GNAI1: variants seen among roughly 807,000 people sequenced by gnomAD.
GNAI1 encodes G protein subunit alpha i1, also known as guanine nucleotide-binding protein G(i) subunit alpha-1.
GNAI1 carries 11 observed loss-of-function variants against 38.9 expected under a neutral mutation model. That is an observed-to-expected ratio of 0.28 (90% CI 0.18 to 0.47). The LOEUF (loss-of-function observed/expected upper bound fraction) is 0.47. GNAI1 is among the 20% of genes least tolerant of loss of function. The pLI is 0.99. For synonymous variants in GNAI1, 166 were observed against 145.1 expected (o/e 1.14, Z -1.04); for missense variants, 317 against 436.9 (o/e 0.73, Z 2.45).
At chr7:80,140,277 C>T (rs1230807985) in intron 1 of GNAI1, among the ~76,000 whole-genome samples, 1 of 151,978 alleles carries the variant, frequency 6.6e-6, no homozygotes, top group Non-Finnish European at 1.5e-5. Flanking sequence ...AGCCACCGCA[C>T]CCTTTGGCCC....
chr7:80,202,879 A>G (rs1415026455), intron 4 of GNAI1, among the ~76,000 whole-genome samples: 1 of 152,158 alleles, frequency 6.6e-6, no homozygotes, highest in Non-Finnish European at 1.5e-5. Context: ...ACTGATTTAC[A>G]GCTTCTCCTG....
intron 1 of GNAI1, among the ~76,000 whole-genome samples, chr7:80,166,316 C>T (rs997744522): frequency 6.6e-6 from 1 of 152,026 alleles, no homozygotes; most frequent in Non-Finnish European, 1.5e-5. Context: ...TGCTCATAGA[C>T]ATGCAGTCTT....
rs17153555 is a variant in GNAI1 at position 80,188,961 on chromosome 7, A to G, written c.129A>G (p.Glu43=). The G allele has an allele frequency of 0.014, 23,254 of 1,605,154 alleles. 404 individuals carry two copies. The highest frequency in any genetic ancestry group is 0.082 in the African/African-American group (6,162 of 74,718). The change falls in exon 2 of 8, where the codon GAA becomes GAG. Residue 43 remains glutamate (E), a synonymous_variant. Transcript: ENST00000649796. ...GTTTTATATTTTTAGGTGCTGGTGAATCTGGTAAAAGTACAATTGTGAAGC... is the reference window on the plus strand; with the variant it reads ...GTTTTATATTTTTAGGTGCTGGTGAGTCTGGTAAAAGTACAATTGTGAAGC... ...EVKLLLLGAG[E]SGKSTIVKQM...
intron 1 of GNAI1, among the ~76,000 whole-genome samples, chr7:80,163,064 A>G (rs1421451804): frequency 6.6e-6 from 1 of 152,064 alleles, no homozygotes; most frequent in Non-Finnish European, 1.5e-5. Flanking sequence ...TTGCTGAGAC[A>G]CCCAAGGGAG....
At position 80,219,027 on chromosome 7, in the gene GNAI1, T is replaced by TTATGTGTGTGTG. The variant is rs1554353980; in HGVS notation, c.*1535_*1536insATGTGTGTGTGT. 6.9e-6 allele frequency: 1 copy of TTATGTGTGTGTG among 145,836 alleles called. No homozygotes were observed. Among genetic ancestry groups the TTATGTGTGTGTG allele is most frequent in the African/African-American group, 2.5e-5 (1 of 39,220 alleles). The allele number at this position is 145,836 out of a possible 1,614,324, so 9.0% of individuals were successfully genotyped here. On this transcript the variant is annotated 3_prime_UTR_variant, in exon 8 of 8. Coordinates refer to ENST00000649796, the MANE Select transcript of GNAI1 (RefSeq NM_002069.6). ...GTGTTGTCACTGGGTTGAAGTATAT[T>TTATGTGTGTGTG]TGTGTGTGTGTGTGTGTGTGTGTGT...
intron 1 of GNAI1, among the ~76,000 whole-genome samples, chr7:80,163,821 C>T (rs776772765): frequency 2.6e-5 from 4 of 152,018 alleles, no homozygotes; most frequent in East Asian, 1.9e-4. Flanking sequence ...GAATATCATG[C>T]GGCATATTGT....
At position 80,135,115 on chromosome 7, in the gene GNAI1, C is replaced by T; in HGVS notation, c.-46C>T. The T allele has an allele frequency of 7.6e-7, 1 of 1,317,544 alleles. No homozygotes were observed. The highest frequency in any genetic ancestry group is 1.0e-6 in the Non-Finnish European group (1 of 979,770). 81.6% of individuals were successfully genotyped at this position (1,317,544 alleles called of 1,614,324 possible). ...AGGATTCCCCTGTGCTTGGAGCCCGCACTCGGGCGCGGAGGGAGCGGCGGC... is the reference window on the plus strand; with the variant it reads ...AGGATTCCCCTGTGCTTGGAGCCCGTACTCGGGCGCGGAGGGAGCGGCGGC... On this transcript the variant is annotated 5_prime_UTR_variant, in exon 1 of 8. Transcript: ENST00000649796.
chr7:80,156,877 C>A (rs1014525008), intron 1 of GNAI1, among the ~76,000 whole-genome samples: 4 of 152,126 alleles, frequency 2.6e-5, no homozygotes, highest in African/African-American at 7.2e-5. Flanking sequence ...TCCCAGCCCC[C>A]ACACATGCAT....
At chr7:80,147,112 C>G (rs2523189) in intron 1 of GNAI1, among the ~76,000 whole-genome samples, 3 of 151,806 alleles carry the variant, frequency 2.0e-5, no homozygotes, top group Admixed American at 2.0e-4. Flanking sequence ...TTTGATGATA[C>G]GATTGTTCAG....
chr7:80,179,092 A>C (rs527439885), intron 1 of GNAI1, among the ~76,000 whole-genome samples: 32 of 152,332 alleles, frequency 2.1e-4, no homozygotes, highest in African/African-American at 7.7e-4. Flanking sequence ...AAACAGTGCT[A>C]CTTGTCTTAC....
At chr7:80,215,940 C>T (rs919074005) in intron 7 of GNAI1, among the ~76,000 whole-genome samples, 15 of 152,048 alleles carry the variant, frequency 9.9e-5, no homozygotes, top group African/African-American at 3.6e-4. Context: ...CGACATGGAC[C>T]TGGGGTGAGC....
intron 1 of GNAI1, among the ~76,000 whole-genome samples, chr7:80,172,136 C>T (rs1788107489): frequency 6.6e-6 from 1 of 152,054 alleles, no homozygotes. Flanking sequence ...TTAACGTTGT[C>T]CTGGCTATGT....
Position 80,222,344 on chromosome 7 carries a change from G to A in GNAI1, c.*4851G>A, listed in dbSNP as rs988971107. Among the ~76,000 whole-genome samples the A allele has an allele frequency of 3.3e-5, 5 of 151,226 alleles. No homozygotes were observed. Among genetic ancestry groups the A allele is most frequent in the Non-Finnish European group, 7.4e-5 (5 of 67,882 alleles). On this transcript the variant is annotated 3_prime_UTR_variant, in exon 8 of 8. Transcript: ENST00000649796. ...TAGGTCTCCATCCGTAAAGTGGATGGAAACACTGTCATTGAAGGAGCTAGT... is the reference window on the plus strand; with the variant it reads ...TAGGTCTCCATCCGTAAAGTGGATGAAAACACTGTCATTGAAGGAGCTAGT...
At chr7:80,156,434 CTT>C (rs796237047) in intron 1 of GNAI1, among the ~76,000 whole-genome samples, 1 of 144,596 alleles carries the variant, frequency 6.9e-6, no homozygotes. Context: ...TAAAGGAAAG[CTT>C]TTTTTTTTTT....
rs748710653 is a variant in GNAI1, at chr7:80,205,318, G to GT, written c.590+1496dup. On this transcript the variant is annotated intron_variant, in intron 5 of 7. Coordinates refer to ENST00000649796, the MANE Select transcript of GNAI1 (RefSeq NM_002069.6). ...AAGTTTAACAGATAGGGATATTTTTGTTTTTTTTTTAACCCAACAAGGTTA... is the reference window on the plus strand; with the variant it reads ...AAGTTTAACAGATAGGGATATTTTTGTTTTTTTTTTTAACCCAACAAGGTTA... Among the ~76,000 whole-genome samples the GT allele has an allele frequency of 3.5e-3, 514 of 147,394 alleles. 19 individuals are homozygous for GT. In the East Asian group the frequency reaches 0.08, roughly 23 times the overall value.
At chr7:80,161,305 C>T (rs186935120) in intron 1 of GNAI1, among the ~76,000 whole-genome samples, 7 of 152,240 alleles carry the variant, frequency 4.6e-5, no homozygotes, top group African/African-American at 1.7e-4. Context: ...ATTGTTGCTG[C>T]ATATTGAAGG....
chr7:80,160,939 C>T (rs1787913982), intron 1 of GNAI1, among the ~76,000 whole-genome samples: 1 of 152,100 alleles, frequency 6.6e-6, no homozygotes, highest in Non-Finnish European at 1.5e-5. Flanking sequence ...TTCTCCAGAA[C>T]ACCAAATTTC....
At chr7:80,157,241 TTAA>T (rs1027372627) in intron 1 of GNAI1, among the ~76,000 whole-genome samples, 5 of 152,356 alleles carry the variant, frequency 3.3e-5, no homozygotes, top group Non-Finnish European at 7.3e-5. Flanking sequence ...GCCTTTTCAC[TTAA>T]TAATATGCAC....
At chr7:80,188,315 C>T (rs1026129468) in intron 1 of GNAI1, among the ~76,000 whole-genome samples, 4 of 152,104 alleles carry the variant, frequency 2.6e-5, no homozygotes, top group African/African-American at 9.7e-5. Flanking sequence ...AAACATCTTC[C>T]AATGGAGAGC....
Sources: allele counts gnomAD v4.1 joint callset (sites outside exome capture counted in the v4.1 genomes callset), GRCh38; gene constraint gnomAD v4.1.1; transcripts MANE v1.5; gene names NCBI Gene and HGNC (gene_info 2026-07-23, HGNC 2026-07-21).